Variants in KRT40 observed in about 807,000 individuals in gnomAD.
KRT40 encodes the protein keratin, type I cytoskeletal 40.
Under a neutral mutation model 43.5 loss-of-function variants are expected in KRT40, and 47 were observed. The observed-to-expected ratio is 1.08, with a 90% CI of 0.86 to 1.38. The LOEUF is 1.38. Among genes scored for constraint, KRT40 ranks in the 40% most tolerant of loss-of-function variants. The probability of loss-of-function intolerance (pLI) is 0.00; values close to 1 mark genes in which losing one functional copy is unlikely to be tolerated. For synonymous variants in KRT40, 212 were observed against 214.0 expected, an observed-to-expected ratio of 0.99 and a Z score of 0.08; for missense variants, 573 against 523.6, an observed-to-expected ratio of 1.09 and a Z score of -0.92.
In KRT40 at chr17:40,981,126, A is replaced by ACTT; in HGVS notation, c.712_713insAAG (p.Leu238delinsGlnVal). 1.2e-6 allele frequency: 2 copies of ACTT among 1,614,118 alleles called. No homozygotes were observed. The highest frequency in any genetic ancestry group is 1.7e-6 in the Non-Finnish European group (2 of 1,180,002). On this transcript the variant is annotated protein_altering_variant, in exon 4 of 7. Coordinates refer to ENST00000377755, the MANE Select transcript of KRT40 (RefSeq NM_001389244.1). ...CAGCTCCACACTGAGGCGGTCGCCA[A>ACTT]GCTGTTCACGAAGCAAGTTGACTTC...
chr17:40,979,457 A>T (rs1049065199), intron 5 of KRT40, among the ~76,000 whole-genome samples: 2 of 151,728 alleles, frequency 1.3e-5, no homozygotes, highest in Admixed American at 6.6e-5. Context: ...AGTCAAGATC[A>T]TGCCATTGCA....
At position 40,978,209 on chromosome 17, in the gene KRT40, G is replaced by T; in HGVS notation, c.1284C>A (p.Asn428Lys). Reference sequence around the variant, plus strand: ...CTGTCCTTAACATTCACAAGCAGCAGTTTTCAACAGTGCAGATGACATAGG... The same window carrying T: ...CTGTCCTTAACATTCACAAGCAGCATTTTTCAACAGTGCAGATGACATAGG... Reference protein sequence around the residue: ...CSAYVICTVENCCL With the variant: ...CSAYVICTVEKCCL Residue 428 changes from asparagine (N) to lysine (K), a missense_variant, in exon 7 of 7, where the codon AAC (asparagine) becomes AAA (lysine). Transcript: ENST00000377755. 6.2e-7 allele frequency: 1 copy of T among 1,613,418 alleles called. No individual in the cohort carries two copies. The highest frequency in any genetic ancestry group is 8.5e-7 in the Non-Finnish European group (1 of 1,179,370).
chr17:40,980,691 C>A, intron 5 of KRT40, 94 bp downstream of exon 5: 1 of 1,467,904 alleles, frequency 6.8e-7, no homozygotes, highest in Non-Finnish European at 9.0e-7. Flanking sequence ...TCGGGAAAGG[C>A]AAGGAAATGT....
At chr17:40,982,658 TG>T (rs1912237731) in intron 2 of KRT40, among the ~76,000 whole-genome samples, 195 bp from the exon 3 acceptor site, 1 of 134,124 alleles carries the variant, frequency 7.5e-6, no homozygotes, top group African/African-American at 3.4e-5. Context: ...TGTGTGTGTG[TG>T]TGTGTGTGAG....
chr17:40,982,975 T>A (rs1912265197), intron 2 of KRT40, 71 bp downstream of exon 2: 2 of 694,808 alleles, frequency 2.9e-6, no homozygotes, highest in South Asian at 3.6e-5. Flanking sequence ...ACCATTGAGC[T>A]CTAGCCTGGG....
At chr17:40,978,417 G>A in intron 6 of KRT40, 121 bp from the exon 7 acceptor site, 1 of 759,916 alleles carries the variant, frequency 1.3e-6, no homozygotes, top group Non-Finnish European at 2.3e-6. Context: ...CTGCACAATA[G>A]CATTGACTGA....
At chr17:40,983,649 G>T (rs1439364900) in intron 1 of KRT40, among the ~76,000 whole-genome samples, 178 bp downstream of exon 1, 5 of 152,208 alleles carry the variant, frequency 3.3e-5, no homozygotes, top group Non-Finnish European at 7.3e-5. Context: ...ATCAGGGGTA[G>T]CTCTGGGGCT....
intron 1 of KRT40, 117 bp from the exon 2 acceptor site, chr17:40,983,245 C>T (rs979318272): frequency 3.9e-6 from 2 of 513,182 alleles, no homozygotes; most frequent in African/African-American, 4.0e-5. Context: ...AGTATAAAAT[C>T]ACCCTCAGCC....
At chr17:40,981,196 A>G in intron 3 of KRT40, 45 bp from the exon 4 acceptor site, 1 of 1,611,400 alleles carries the variant, frequency 6.2e-7, no homozygotes, top group Non-Finnish European at 8.5e-7. Context: ...TGGTGGGGAA[A>G]AATCCATTTG....
At position 40,980,910 on chromosome 17, in the gene KRT40, T is replaced by C; in HGVS notation, c.850A>G (p.Thr284Ala). 2 of 1,614,052 alleles carry C rather than the reference T, an allele frequency of 1.2e-6. No homozygotes were observed. Among genetic ancestry groups the C allele is most frequent in the Non-Finnish European group, 1.7e-6 (2 of 1,180,008 alleles). ...REAEEWLAVQ[T>A]EELNQQQLSS... ...AGTTGCTGCTGATTCAGCTCTTCTG[T>C]CTGAAACACAGACACCATTAGAGAA... is the stretch of plus-strand genomic sequence containing the variant. The change falls in exon 5 of 7, where the codon ACA becomes GCA. Residue 284 changes from threonine to alanine, a missense_variant and splice_region_variant. Transcript: ENST00000377755.
At position 40,982,591 on chromosome 17, in the gene KRT40, T is replaced by C. The variant is rs570072578; in HGVS notation, c.531-128A>G. The C allele has an allele frequency of 6.3e-6, 4 of 637,026 alleles. No homozygotes were observed. In the East Asian group the frequency reaches 1.2e-4, roughly 19 times the overall value. 39.5% of individuals were successfully genotyped at this position (637,026 alleles called of 1,614,324 possible). A position where few individuals can be genotyped will look rare whatever the true frequency, so the allele number is the denominator to read the frequency against. On this transcript the variant is annotated intron_variant, in intron 2 of 6. Transcript: ENST00000377755. ...ATAATTTCTCTTAATTCCTAAGTAA[T>C]GATAAATTCAAGCTTTTAAAACATT...
In KRT40 at chr17:40,982,402, T is replaced by G. The variant is rs377612229; in HGVS notation, c.592A>C (p.Ile198Leu). Residue 198 changes from isoleucine to leucine, a missense_variant, in exon 3 of 7, where the codon ATC becomes CTC. Transcript: ENST00000377755. The stretch of plus-strand genomic sequence containing the variant: ...TTGCACAGGGTCAGTTCCTCCAGGA[T>G]CCCATGCAGGCTGCTGATGTCAGCC... Reference protein sequence around the residue: ...LEADISSLHGILEELTLCKSD... With the variant: ...LEADISSLHGLLEELTLCKSD... The G allele has an allele frequency of 1.3e-5, 21 of 1,611,068 alleles. No individual in the cohort carries two copies. The African/African-American group carries it at 2.7e-4, about 21-fold the overall frequency.
intron 1 of KRT40, 108 bp from the exon 2 acceptor site, chr17:40,983,236 G>T (rs1912281536): frequency 3.7e-6 from 2 of 541,256 alleles, no homozygotes; most frequent in Non-Finnish European, 3.3e-6. Context: ...TTATAAGAAA[G>T]TATAAAATCA....
At chr17:40,983,397 G>A (rs1912288297) in intron 1 of KRT40, among the ~76,000 whole-genome samples, 1 of 152,158 alleles carries the variant, frequency 6.6e-6, no homozygotes, top group African/African-American at 2.4e-5. Flanking sequence ...CACCATTAAT[G>A]TTTTCTCCAT....
intron 2 of KRT40, 28 bp downstream of exon 2, chr17:40,983,017 TA>T: frequency 1.1e-6 from 1 of 935,544 alleles, no homozygotes; most frequent in Non-Finnish European, 1.7e-6. Flanking sequence ...TCAAAATAAA[TA>T]AATAAAATAA....
chr17:40,978,028 G>C lies in KRT40; in HGVS notation c.*169C>G. 1.7e-6 allele frequency: 1 copy of C among 572,678 alleles called. No individual in the cohort carries two copies. Among genetic ancestry groups the C allele is most frequent in the South Asian group, 2.4e-5 (1 of 42,470 alleles). The allele number at this position is 572,678 out of a possible 1,614,324, so 35.5% of individuals were successfully genotyped here. A position where few individuals can be genotyped will look rare whatever the true frequency, so the allele number is the denominator to read the frequency against. Reference sequence around the variant, plus strand: ...GCTTCCAGTATACCACAAATAAGCCGGAAGGAGAGGAAATAGTAAAGCAGA... The same window carrying C: ...GCTTCCAGTATACCACAAATAAGCCCGAAGGAGAGGAAATAGTAAAGCAGA... On this transcript the variant is annotated 3_prime_UTR_variant, in exon 7 of 7. Coordinates refer to ENST00000377755, the MANE Select transcript of KRT40 (RefSeq NM_001389244.1).
chr17:40,986,839 C>G (rs1419209274), upstream of KRT40: 1 of 152,098 alleles, frequency 6.6e-6, no homozygotes, highest in Non-Finnish European at 1.5e-5. Flanking sequence ...AAATACAAAC[C>G]TGCTTTTTGT....
In KRT40 at chr17:40,981,419, T is replaced by G. The variant is rs868319638; in HGVS notation, c.688-268A>C. On this transcript the variant is annotated intron_variant, in intron 3 of 6. Coordinates refer to ENST00000377755, the MANE Select transcript of KRT40 (RefSeq NM_001389244.1). ...CACATAATTAACTTATAAAAGTTAA[T>G]TATGACACATAGTAAGGTGTCAATA... The G allele has an allele frequency of 1.1e-5, 7 of 651,650 alleles. No individual in the cohort carries two copies. In the Middle Eastern group the frequency reaches 1.7e-3, roughly 156 times the overall value. The allele number at this position is 651,650 out of a possible 1,614,324, so 40.4% of individuals were successfully genotyped here. A position where few individuals can be genotyped will look rare whatever the true frequency, so the allele number is the denominator to read the frequency against.
At chr17:40,979,087 T>G in intron 5 of KRT40, 63 bp from the exon 6 acceptor site, 1 of 1,302,234 alleles carries the variant, frequency 7.7e-7, no homozygotes. Context: ...GAGTGCCTAC[T>G]TTCAAATTCC....
Sources: gnomAD v4.1 joint callset for allele counts (sites outside exome capture counted in the v4.1 genomes callset) on GRCh38, gnomAD v4.1.1 for gene constraint, MANE v1.5 for transcripts, NCBI Gene and HGNC (gene_info 2026-07-23, HGNC 2026-07-21) for gene names.